Variants in MAGI2 observed in about 807,000 individuals in gnomAD.
MAGI2 encodes the protein membrane associated guanylate kinase, WW and PDZ domain containing 2, also known as membrane-associated guanylate kinase, WW and PDZ domain-containing protein 2.
MAGI2 carries 35 observed loss-of-function variants against 133.3 expected under a neutral mutation model. That is an observed-to-expected ratio of 0.26 (90% CI 0.20 to 0.35). MAGI2 has a LOEUF of 0.35. Among genes scored for constraint, MAGI2 ranks in the 10% least tolerant of loss-of-function variants. The pLI, the probability that MAGI2 is intolerant of heterozygous loss-of-function variation, is 1.00. For missense variants in MAGI2, 1,636 were observed against 1,863.4 expected, an observed-to-expected ratio of 0.88 and a Z score of 2.25; for synonymous variants, 729 against 710.6, an observed-to-expected ratio of 1.03 and a Z score of -0.41.
intron 3 of MAGI2, among the ~76,000 whole-genome samples, chr7:78,598,785 G>C (rs1205672194): frequency 6.6e-6 from 1 of 152,106 alleles, no homozygotes; most frequent in Non-Finnish European, 1.5e-5. Context: ...TATAGTGTTA[G>C]GTTATTTGGA....
At chr7:78,970,261 A>T (rs1164075591) in intron 2 of MAGI2, among the ~76,000 whole-genome samples, 1 of 152,094 alleles carries the variant, frequency 6.6e-6, no homozygotes, top group African/African-American at 2.4e-5. Flanking sequence ...TTTGTTAAGC[A>T]AGTGACTTAT....
intron 2 of MAGI2, among the ~76,000 whole-genome samples, chr7:78,713,817 GT>G (rs1299923116): frequency 6.6e-6 from 1 of 152,024 alleles, no homozygotes; most frequent in Non-Finnish European, 1.5e-5. Context: ...CATACAGAAC[GT>G]TTTACCTCAC....
intron 1 of MAGI2, among the ~76,000 whole-genome samples, chr7:79,169,440 T>C (rs903530713): frequency 1.3e-5 from 2 of 152,164 alleles, no homozygotes; most frequent in Non-Finnish European, 2.9e-5. Context: ...TTTCAAGGAC[T>C]GCTTTTACTA....
chr7:78,894,124 G>A (rs1443472328), intron 2 of MAGI2, among the ~76,000 whole-genome samples: 2 of 152,172 alleles, frequency 1.3e-5, no homozygotes, highest in Admixed American at 6.5e-5. Flanking sequence ...ATTCTTGGCC[G>A]GGCGCTGTGG....
At chr7:78,588,012 G>A (rs1803598773) in intron 3 of MAGI2, among the ~76,000 whole-genome samples, 1 of 152,182 alleles carries the variant, frequency 6.6e-6, no homozygotes, top group African/African-American at 2.4e-5. Context: ...GCTGTTTACT[G>A]GCTGTGTGTG....
intron 10 of MAGI2, among the ~76,000 whole-genome samples, chr7:78,245,013 A>T (rs1374601681): frequency 6.6e-6 from 1 of 152,216 alleles, no homozygotes; most frequent in African/African-American, 2.4e-5. Flanking sequence ...AATTTCCATA[A>T]TCCTCACTAT....
At chr7:78,897,046 AGTTG>A (rs1481863116) in intron 2 of MAGI2, among the ~76,000 whole-genome samples, 1 of 152,206 alleles carries the variant, frequency 6.6e-6, no homozygotes, top group African/African-American at 2.4e-5. Context: ...TTTCCAGATT[AGTTG>A]GCCAAATCCT....
chr7:78,590,507 G>A (rs1051094491), intron 3 of MAGI2, among the ~76,000 whole-genome samples: 2 of 152,190 alleles, frequency 1.3e-5, no homozygotes, highest in African/African-American at 4.8e-5. Flanking sequence ...TGTGCTGGCT[G>A]TGAATAAACT....
intron 2 of MAGI2, among the ~76,000 whole-genome samples, chr7:78,917,519 C>T (rs1265877096): frequency 6.6e-6 from 1 of 151,948 alleles, no homozygotes; most frequent in Non-Finnish European, 1.5e-5. Flanking sequence ...TCTGTTCTTC[C>T]CGGTTTTATC....
chr7:78,512,065 G>A (rs998459670), intron 4 of MAGI2, among the ~76,000 whole-genome samples: 3 of 151,988 alleles, frequency 2.0e-5, no homozygotes, highest in African/African-American at 4.8e-5. Context: ...GGAGCTTGCG[G>A]TGAGCGGAGA....
intron 6 of MAGI2, among the ~76,000 whole-genome samples, chr7:78,439,644 C>A (rs1787402322): frequency 6.6e-6 from 1 of 152,126 alleles, no homozygotes; most frequent in African/African-American, 2.4e-5. Context: ...TTAAAGCATA[C>A]TTTATGGCTA....
At chr7:79,448,299 C>CA (rs1211629420) in intron 1 of MAGI2, among the ~76,000 whole-genome samples, 2 of 151,622 alleles carry the variant, frequency 1.3e-5, no homozygotes, top group East Asian at 1.9e-4. Context: ...TTTCATTCTG[C>CA]AAAAAAACCT....
At chr7:79,399,253 C>G (rs1172601015) in intron 1 of MAGI2, among the ~76,000 whole-genome samples, 1 of 151,688 alleles carries the variant, frequency 6.6e-6, no homozygotes, top group Non-Finnish European at 1.5e-5. Flanking sequence ...TGCTACCATA[C>G]CTGGCTAATT....
chr7:79,268,615 C>T (rs926408285), intron 1 of MAGI2, among the ~76,000 whole-genome samples: 7 of 152,038 alleles, frequency 4.6e-5, no homozygotes, highest in Admixed American at 2.6e-4. Context: ...AAATAGAAAC[C>T]GCAGACTGAA....
At chr7:78,063,474 T>A (rs961810206) in intron 21 of MAGI2, among the ~76,000 whole-genome samples, 1 of 152,214 alleles carries the variant, frequency 6.6e-6, no homozygotes, top group Non-Finnish European at 1.5e-5. Context: ...TCTTTTGGCC[T>A]CAAGCGATCC....
intron 1 of MAGI2, among the ~76,000 whole-genome samples, chr7:79,045,993 A>C (rs570288039): frequency 6.6e-6 from 1 of 152,324 alleles, no homozygotes; most frequent in Non-Finnish European, 1.5e-5. Context: ...ATAATAGCGT[A>C]AGTTGTAACT....
At chr7:78,186,213 T>C (rs1460026374) in intron 12 of MAGI2, among the ~76,000 whole-genome samples, 10 of 152,288 alleles carry the variant, frequency 6.6e-5, no homozygotes, top group Admixed American at 5.2e-4. Context: ...ATAGAGATCC[T>C]TTATAAGAAT....
At chr7:78,276,448 AAG>A (rs1210395090) in intron 9 of MAGI2, among the ~76,000 whole-genome samples, 1 of 151,892 alleles carries the variant, frequency 6.6e-6, no homozygotes, top group Non-Finnish European at 1.5e-5. Context: ...GATTAGAGCT[AAG>A]TGGTGGAATT....
intron 2 of MAGI2, among the ~76,000 whole-genome samples, chr7:78,813,785 C>CAAAAAAAAAAAAAAAAAAAAAAA (rs36107160): frequency 2.1e-5 from 2 of 96,802 alleles, no homozygotes; most frequent in African/African-American, 4.1e-5. Context: ...GATTCTGTCT[C>CAAAAAAAAAAAAAAAAAAAAAAA]AAAAAAAAAA....
Sources: gnomAD v4.1 joint callset for allele counts (sites outside exome capture counted in the v4.1 genomes callset) on GRCh38, gnomAD v4.1.1 for gene constraint, MANE v1.5 for transcripts, NCBI Gene and HGNC (gene_info 2026-07-23, HGNC 2026-07-21) for gene names.